Variants in TMEM135 observed in about 807,000 individuals in gnomAD.
The protein encoded by TMEM135 is transmembrane protein 135, also known as peroxisomal membrane protein 52.
A neutral mutation model predicts 60.3 loss-of-function variants in TMEM135; 30 were observed. The ratio of observed to expected loss-of-function variants is 0.50; its 90% CI spans 0.37 to 0.68. The LOEUF (loss-of-function observed/expected upper bound fraction) is 0.68. TMEM135 is among the 30% of genes least tolerant of loss of function. The pLI is 0.00. For synonymous variants in TMEM135, 190 were observed against 186.7 expected (o/e 1.02, Z -0.14); for missense variants, 468 against 548.8 (o/e 0.85, Z 1.47).
intron 6 of TMEM135, among the ~76,000 whole-genome samples, chr11:87,289,233 G>A (rs1475662994): frequency 6.6e-6 from 1 of 151,974 alleles, no homozygotes; most frequent in Non-Finnish European, 1.5e-5. Flanking sequence ...TACATATATA[G>A]TTATTAGATC....
intron 6 of TMEM135, among the ~76,000 whole-genome samples, chr11:87,274,556 T>A (rs556867234): frequency 6.6e-6 from 1 of 152,304 alleles, no homozygotes; most frequent in African/African-American, 2.4e-5. Context: ...ACGGCAAAAA[T>A]TCTGTACTGA....
chr11:87,085,328 A>G (rs1030937685), intron 3 of TMEM135, among the ~76,000 whole-genome samples: 1 of 152,218 alleles, frequency 6.6e-6, no homozygotes, highest in Non-Finnish European at 1.5e-5. Context: ...TGAGAACAGA[A>G]TAGGACTTAA....
intron 3 of TMEM135, among the ~76,000 whole-genome samples, chr11:87,077,125 T>A (rs1195160861): frequency 1.3e-5 from 2 of 152,248 alleles, no homozygotes; most frequent in Non-Finnish European, 2.9e-5. Flanking sequence ...GAACTATCCC[T>A]TTGTAGTTGC....
chr11:87,255,075 C>CT lies in TMEM135; in HGVS notation c.509+18398dup, dbSNP rs373803954. On this transcript the variant is annotated intron_variant, in intron 6 of 14. Coordinates refer to ENST00000305494, the MANE Select transcript of TMEM135 (RefSeq NM_022918.4). The stretch of plus-strand genomic sequence containing the variant: ...AAGTGGGGCTTTTCCTTTCCTTCCT[C>CT]TTTTTTTCCCTTTCTTCTCCATTTC... Among the ~76,000 whole-genome samples, 844 of 152,258 alleles carry CT rather than the reference C, an allele frequency of 5.5e-3. 9 individuals are homozygous for CT. The highest frequency in any genetic ancestry group is 0.019 in the African/African-American group (797 of 41,548).
At chr11:87,040,449 A>C (rs1949740415) in intron 1 of TMEM135, among the ~76,000 whole-genome samples, 1 of 151,966 alleles carries the variant, frequency 6.6e-6, no homozygotes, top group Non-Finnish European at 1.5e-5. Flanking sequence ...ACCTGAGGTC[A>C]GGCGTTCGAG....
At chr11:87,095,277 G>A (rs901473936) in intron 4 of TMEM135, 12 of 187,568 alleles carry the variant, frequency 6.4e-5, no homozygotes, top group South Asian at 2.4e-4. Flanking sequence ...CATTCTGGCC[G>A]AAAACAAAGA....
intron 4 of TMEM135, among the ~76,000 whole-genome samples, chr11:87,130,239 CA>C (rs1176974284): frequency 6.6e-6 from 1 of 151,594 alleles, no homozygotes; most frequent in African/African-American, 2.4e-5. Flanking sequence ...ATCGAGGGCC[CA>C]GGCTTTTTCC....
chr11:87,096,714 T>G (rs1857338955), intron 4 of TMEM135: 1 of 152,214 alleles, frequency 6.6e-6, no homozygotes, highest in Non-Finnish European at 1.5e-5. Flanking sequence ...ATAATTGTAT[T>G]CACTTCATTT....
At chr11:87,068,489 G>A (rs1856709138) in intron 2 of TMEM135, among the ~76,000 whole-genome samples, 1 of 152,072 alleles carries the variant, frequency 6.6e-6, no homozygotes, top group South Asian at 2.1e-4. Flanking sequence ...CAAAGTAGTT[G>A]TGCAGGTATA....
intron 1 of TMEM135, among the ~76,000 whole-genome samples, chr11:87,054,647 G>T (rs1029332256): frequency 6.6e-6 from 1 of 152,018 alleles, no homozygotes; most frequent in African/African-American, 2.4e-5. Flanking sequence ...TTGGTTTCTT[G>T]ATTCTTACTT....
At chr11:87,080,349 A>C (rs1156326235) in intron 3 of TMEM135, among the ~76,000 whole-genome samples, 2 of 151,864 alleles carry the variant, frequency 1.3e-5, no homozygotes, top group African/African-American at 2.4e-5. Flanking sequence ...CCACCCCACC[A>C]AGTTGAGATA....
chr11:87,189,566 T>C (rs1188477764), intron 5 of TMEM135, among the ~76,000 whole-genome samples: 1 of 152,084 alleles, frequency 6.6e-6, no homozygotes, highest in African/African-American at 2.4e-5. Context: ...ACACATTTGT[T>C]TGACAAAAAT....
chr11:87,091,243 A>C, intron 3 of TMEM135, 119 bp from the exon 4 acceptor site: 1 of 832,454 alleles, frequency 1.2e-6, no homozygotes, highest in South Asian at 1.8e-5. Context: ...TTTTTCTAAG[A>C]TACCAGTACG....
intron 3 of TMEM135, among the ~76,000 whole-genome samples, chr11:87,087,721 C>T (rs1591008975): frequency 2.0e-5 from 3 of 152,090 alleles, no homozygotes; most frequent in African/African-American, 7.2e-5. Flanking sequence ...AATTCTATTC[C>T]ATACGGAATC....
chr11:87,298,972 C>T lies in TMEM135; in HGVS notation c.551+3149C>T, dbSNP rs1421836211. Among the ~76,000 whole-genome samples, 4 of 151,800 alleles carry T rather than the reference C, an allele frequency of 2.6e-5. No individual in the cohort carries two copies. In the East Asian group the frequency reaches 7.8e-4, roughly 29 times the overall value. ...GTGTGGTGATGGGCGCCTGTAATCC[C>T]AGCGACTTGAGAGGCTGAGGCAGGA... On this transcript the variant is annotated intron_variant, in intron 7 of 14. Transcript: ENST00000305494.
intron 5 of TMEM135, among the ~76,000 whole-genome samples, chr11:87,225,915 G>C (rs1940755997): frequency 6.6e-6 from 1 of 152,012 alleles, no homozygotes; most frequent in South Asian, 2.1e-4. Flanking sequence ...TTATTATTAT[G>C]AATATTGTTT....
At chr11:87,108,186 C>A (rs928532154) in intron 4 of TMEM135, among the ~76,000 whole-genome samples, 1 of 152,116 alleles carries the variant, frequency 6.6e-6, no homozygotes, top group African/African-American at 2.4e-5. Flanking sequence ...GGGTAGATTG[C>A]AAAAATTTTC....
At position 87,322,818 on chromosome 11, in the gene TMEM135, A is replaced by C. The variant is rs1942847007; in HGVS notation, c.*1485A>C. Reference sequence around the variant, plus strand: ...ACAGACTCTGGTACTATGGTAACAGAGCCACTTTATCATTTGGTCAAAATT... The same window carrying C: ...ACAGACTCTGGTACTATGGTAACAGCGCCACTTTATCATTTGGTCAAAATT... On this transcript the variant is annotated 3_prime_UTR_variant, in exon 15 of 15. Transcript: ENST00000305494. 4.4e-6 allele frequency: 2 copies of C among 454,288 alleles called. No individual in the cohort carries two copies. 28.1% of individuals were successfully genotyped at this position (454,288 alleles called of 1,614,324 possible).
intron 4 of TMEM135, among the ~76,000 whole-genome samples, chr11:87,145,214 A>T (rs1278839357): frequency 1.3e-5 from 2 of 152,218 alleles, no homozygotes; most frequent in East Asian, 3.9e-4. Context: ...CTTATACAGC[A>T]TAATGTTCTC....
Sources: gnomAD v4.1 joint callset for allele counts (sites outside exome capture counted in the v4.1 genomes callset) on GRCh38, gnomAD v4.1.1 for gene constraint, MANE v1.5 for transcripts, NCBI Gene and HGNC (gene_info 2026-07-23, HGNC 2026-07-21) for gene names.